Variants in ABCD2 observed in about 807,000 individuals in gnomAD.
ABCD2 encodes the protein ATP-binding cassette sub-family D member 2.
Under a neutral mutation model 70.9 loss-of-function variants are expected in ABCD2, and 36 were observed. The ratio of observed to expected loss-of-function variants is 0.51; its 90% CI spans 0.39 to 0.67. ABCD2 has a LOEUF of 0.67. ABCD2 is among the 30% of genes least tolerant of loss of function. The pLI is 0.00. For synonymous variants in ABCD2, 304 were observed against 306.9 expected (o/e 0.99, Z 0.10); for missense variants, 729 against 890.2 (o/e 0.82, Z 2.30).
At chr12:39,607,521 G>C in intron 3 of ABCD2, 78 bp downstream of exon 3, 2 of 1,190,590 alleles carry the variant, frequency 1.7e-6, no homozygotes. Flanking sequence ...AAAATACTAA[G>C]TATACTTGGT....
intron 9 of ABCD2, among the ~76,000 whole-genome samples, chr12:39,571,258 A>G (rs937203894): frequency 1.2e-4 from 19 of 152,174 alleles, no homozygotes; most frequent in African/African-American, 4.3e-4. Context: ...TGTCAAAGAG[A>G]TAACTGCACT....
intron 5 of ABCD2, among the ~76,000 whole-genome samples, chr12:39,602,489 G>GT (rs1375945169): frequency 3.9e-5 from 6 of 152,058 alleles, no homozygotes; most frequent in African/African-American, 2.4e-5. Context: ...GCTAACAAAG[G>GT]TATGAGATCC....
intron 5 of ABCD2, among the ~76,000 whole-genome samples, chr12:39,602,159 A>G (rs943252664): frequency 6.7e-6 from 1 of 148,600 alleles, no homozygotes; most frequent in Non-Finnish European, 1.5e-5. Flanking sequence ...TTATTTATTT[A>G]TTTATTTATT....
chr12:39,535,262 A>C, the ABCD2 span, among the ~76,000 whole-genome samples: 5 of 152,244 alleles, frequency 3.3e-5, no homozygotes, highest in Non-Finnish European at 5.9e-5. Flanking sequence ...AAAGCATCTA[A>C]TCTAACTCCT....
chr12:39,556,760 G>A (rs182575555), intron 9 of ABCD2, among the ~76,000 whole-genome samples: 1 of 152,220 alleles, frequency 6.6e-6, no homozygotes, highest in Non-Finnish European at 1.5e-5. Flanking sequence ...TCTGAGGCAG[G>A]TGGATCATGA....
intron 9 of ABCD2, among the ~76,000 whole-genome samples, chr12:39,568,425 T>C (rs918291000): frequency 2.4e-4 from 37 of 152,248 alleles, no homozygotes; most frequent in African/African-American, 8.7e-4. Context: ...AATCGGCTAC[T>C]GAGGCTTGTG....
At chr12:39,568,072 T>G in intron 9 of ABCD2, among the ~76,000 whole-genome samples, 1 of 151,978 alleles carries the variant, frequency 6.6e-6, no homozygotes, top group East Asian at 1.9e-4. Context: ...TTTCCTTCAT[T>G]TCAACTTTGG....
chr12:39,568,811 C>G (rs1045296122), intron 9 of ABCD2, among the ~76,000 whole-genome samples: 3 of 152,090 alleles, frequency 2.0e-5, no homozygotes, highest in African/African-American at 7.2e-5. Flanking sequence ...TTTTGGTGTT[C>G]ATGTCCTTTC....
chr12:39,589,352 A>G (rs1199226672), intron 6 of ABCD2, among the ~76,000 whole-genome samples: 1 of 150,650 alleles, frequency 6.6e-6, no homozygotes, highest in East Asian at 1.9e-4. Flanking sequence ...TTGCAATGAA[A>G]TTATTACAAA....
the ABCD2 span, among the ~76,000 whole-genome samples, chr12:39,537,574 T>A: frequency 6.6e-6 from 1 of 152,194 alleles, no homozygotes; most frequent in African/African-American, 2.4e-5. Context: ...CCTCCAGGGA[T>A]CCAAGGATCC....
In ABCD2 at chr12:39,553,433, T is replaced by TCAA. The variant is rs1941116083; in HGVS notation, c.*478_*479insTTG. 6.6e-6 allele frequency: 1 copy of TCAA among 152,466 alleles called. No individual in the cohort carries two copies. The highest frequency in any genetic ancestry group is 6.5e-5 in the Admixed American group (1 of 15,282). The allele number at this position is 152,466 out of a possible 1,614,324, so 9.4% of individuals were successfully genotyped here. ...AAACTGTCAGCTATTTTGTACAGGT[T>TCAA]TAGTTGGCCACTAGCAATAATCAAT... On this transcript the variant is annotated 3_prime_UTR_variant, in exon 10 of 10. Coordinates refer to ENST00000308666, the MANE Select transcript of ABCD2 (RefSeq NM_005164.4).
At chr12:39,600,874 G>T (rs562967708) in intron 5 of ABCD2, among the ~76,000 whole-genome samples, 158 bp from the exon 6 acceptor site, 1 of 152,160 alleles carries the variant, frequency 6.6e-6, no homozygotes, top group South Asian at 2.1e-4. Context: ...AACAAGTTTG[G>T]CTTTTGACTA....
the ABCD2 span, among the ~76,000 whole-genome samples, chr12:39,543,202 G>A: frequency 6.6e-6 from 1 of 152,118 alleles, no homozygotes; most frequent in Non-Finnish European, 1.5e-5. Flanking sequence ...TATAAGGACA[G>A]AGAATTTTCA....
intron 7 of ABCD2, among the ~76,000 whole-genome samples, chr12:39,585,222 G>T (rs149884682): frequency 2.0e-5 from 3 of 152,206 alleles, no homozygotes; most frequent in African/African-American, 4.8e-5. Context: ...CCATTGTAGA[G>T]ATCTTTCACC....
chr12:39,560,256 T>C (rs998215241), intron 9 of ABCD2, among the ~76,000 whole-genome samples: 6 of 152,148 alleles, frequency 3.9e-5, no homozygotes, highest in Non-Finnish European at 5.9e-5. Context: ...TGAGAACATG[T>C]GGTGTTTGGT....
chr12:39,608,955 C>A (rs1942009465), intron 2 of ABCD2, among the ~76,000 whole-genome samples: 1 of 152,174 alleles, frequency 6.6e-6, no homozygotes, highest in East Asian at 1.9e-4. Flanking sequence ...TATGTGATTT[C>A]TCTGGACTTT....
intron 9 of ABCD2, among the ~76,000 whole-genome samples, chr12:39,557,783 G>A (rs1364452391): frequency 6.6e-6 from 1 of 152,192 alleles, no homozygotes. Flanking sequence ...TGGACCTGTG[G>A]TGCACAGAAG....
intron 9 of ABCD2, among the ~76,000 whole-genome samples, chr12:39,554,789 G>A (rs1941137595): frequency 1.3e-5 from 2 of 152,128 alleles, no homozygotes; most frequent in Admixed American, 6.5e-5. Flanking sequence ...CCTAAAGGAG[G>A]CTGAGGTCAC....
intron 7 of ABCD2, among the ~76,000 whole-genome samples, chr12:39,582,102 C>T (rs535833041): frequency 6.6e-6 from 1 of 152,172 alleles, no homozygotes; most frequent in Non-Finnish European, 1.5e-5. Context: ...AAGTGTTTTC[C>T]TGCCTTGCTT....
Sources: allele counts gnomAD v4.1 joint callset (sites outside exome capture counted in the v4.1 genomes callset), GRCh38; gene constraint gnomAD v4.1.1; transcripts MANE v1.5; gene names NCBI Gene and HGNC (gene_info 2026-07-23, HGNC 2026-07-21).